Variants in CCDC92 observed in about 807,000 individuals in gnomAD.
CCDC92 encodes the protein coiled-coil domain-containing protein 92.
CCDC92 carries 12 observed loss-of-function variants against 24.9 expected under a neutral mutation model. That is an observed-to-expected ratio of 0.48 (90% CI 0.31 to 0.78). The LOEUF (loss-of-function observed/expected upper bound fraction) is 0.78. Ranked by LOEUF, CCDC92 falls within the 30% of genes least tolerant of loss-of-function variation. The pLI, the probability that CCDC92 is intolerant of heterozygous loss-of-function variation, is 0.05. For synonymous variants in CCDC92, 193 were observed against 196.3 expected, an observed-to-expected ratio of 0.98 and a Z score of 0.14; for missense variants, 399 against 439.4, an observed-to-expected ratio of 0.91 and a Z score of 0.82.
rs1472593797 is a variant in CCDC92, at chr12:123,949,094, C to T, written c.-59-4730G>A. Among the ~76,000 whole-genome samples, 3 of 152,146 alleles carry T rather than the reference C, an allele frequency of 2.0e-5. No individual in the cohort carries two copies. In the East Asian group the frequency reaches 5.8e-4, roughly 29 times the overall value. On this transcript the variant is annotated intron_variant, in intron 1 of 4. Transcript: ENST00000238156. ...ATGAAGGAGCATTCAAGACAGATCC[C>T]TAAAAGGGTCAGCGTGGCAGATGAA...
At chr12:123,958,973 C>T (rs1271307787) in intron 1 of CCDC92, among the ~76,000 whole-genome samples, 1 of 152,204 alleles carries the variant, frequency 6.6e-6, no homozygotes, top group Non-Finnish European at 1.5e-5. Context: ...CCCTCGGTTG[C>T]ACTCTGGTTG....
At chr12:123,963,874 C>T (rs2138165239) in intron 1 of CCDC92, among the ~76,000 whole-genome samples, 1 of 152,274 alleles carries the variant, frequency 6.6e-6, no homozygotes, top group South Asian at 2.1e-4. Flanking sequence ...ATGCAAAGAG[C>T]TTTGTTTTTA....
At chr12:123,958,596 T>C (rs1338826366) in intron 1 of CCDC92, among the ~76,000 whole-genome samples, 1 of 152,232 alleles carries the variant, frequency 6.6e-6, no homozygotes, top group Non-Finnish European at 1.5e-5. Flanking sequence ...TTCTGCTGTG[T>C]CCTGTGCATT....
At position 123,936,466 on chromosome 12, in the gene CCDC92, A is replaced by G. The variant is rs1249218590; in HGVS notation, c.*592T>C. 1.3e-5 allele frequency: 2 copies of G among 153,262 alleles called. No individual in the cohort carries two copies. Among genetic ancestry groups the G allele is most frequent in the African/African-American group, 4.8e-5 (2 of 41,484 alleles). 9.5% of individuals were successfully genotyped at this position (153,262 alleles called of 1,614,324 possible). On this transcript the variant is annotated 3_prime_UTR_variant, in exon 5 of 5. Coordinates refer to ENST00000238156, the MANE Select transcript of CCDC92 (RefSeq NM_025140.3). ...TAAACATTTTGGATAAAACTAACAA[A>G]AAAATATGAACACACATTCAGGTTG...
At chr12:123,969,108 C>T (rs1274750983) in intron 1 of CCDC92, among the ~76,000 whole-genome samples, 1 of 152,096 alleles carries the variant, frequency 6.6e-6, no homozygotes, top group Non-Finnish European at 1.5e-5. Flanking sequence ...ACTCAGTAGC[C>T]GAATCTTTAT....
At chr12:123,947,049 C>T (rs1394443374) in intron 1 of CCDC92, among the ~76,000 whole-genome samples, 3 of 152,172 alleles carry the variant, frequency 2.0e-5, no homozygotes, top group South Asian at 2.1e-4. Context: ...GAGCAGCCAG[C>T]GGGCCGGCCC....
In CCDC92 at chr12:123,936,976, G is replaced by A; in HGVS notation, c.*82C>T. 2 of 1,502,436 alleles carry A rather than the reference G, an allele frequency of 1.3e-6. No homozygotes were observed. Among genetic ancestry groups the A allele is most frequent in the Admixed American group, 1.7e-5 (1 of 57,404 alleles). The allele number at this position is 1,502,436 out of a possible 1,614,324, so 93.1% of individuals were successfully genotyped here. ...GTGTGAAAAGTGTTTGGCATGCATGGGATTAAACAGAAAAGGTGTGGCTGA... is the reference window on the plus strand; with the variant it reads ...GTGTGAAAAGTGTTTGGCATGCATGAGATTAAACAGAAAAGGTGTGGCTGA... On this transcript the variant is annotated 3_prime_UTR_variant, in exon 5 of 5. Coordinates refer to ENST00000238156, the MANE Select transcript of CCDC92 (RefSeq NM_025140.3).
intron 1 of CCDC92, among the ~76,000 whole-genome samples, chr12:123,952,704 A>G (rs1334073406): frequency 2.0e-5 from 3 of 152,264 alleles, no homozygotes; most frequent in African/African-American, 7.2e-5. Context: ...AAAACGGACA[A>G]CATTTCAAGG....
At chr12:123,942,851 A>C (rs1955729404) in intron 3 of CCDC92, 66 bp from the exon 4 acceptor site, 1 of 1,332,796 alleles carries the variant, frequency 7.5e-7, no homozygotes, top group African/African-American at 1.4e-5. Flanking sequence ...CAGCTTTGAA[A>C]ATGCAAAACC....
chr12:123,970,439 T>C (rs1272166985), intron 1 of CCDC92: 1 of 152,186 alleles, frequency 6.6e-6, no homozygotes, highest in Non-Finnish European at 1.5e-5. Context: ...TCAAAATAAA[T>C]GAAATCCCTT....
intron 1 of CCDC92, among the ~76,000 whole-genome samples, chr12:123,971,078 G>A (rs1376962521): frequency 6.6e-6 from 1 of 152,200 alleles, no homozygotes; most frequent in Non-Finnish European, 1.5e-5. Context: ...TTAGACCGAT[G>A]TATTTAAAAT....
At chr12:123,942,295 C>T (rs763505649) in intron 4 of CCDC92, among the ~76,000 whole-genome samples, 11 of 152,206 alleles carry the variant, frequency 7.2e-5, no homozygotes, top group Admixed American at 7.2e-4. Context: ...AGTAATGTGA[C>T]CACTCGCCCG....
chr12:123,967,521 G>A (rs1260637680), intron 1 of CCDC92, among the ~76,000 whole-genome samples: 2 of 152,206 alleles, frequency 1.3e-5, no homozygotes, highest in Non-Finnish European at 2.9e-5. Context: ...GACAGCCGAA[G>A]AGAAAGGAGT....
At position 123,942,882 on chromosome 12, in the gene CCDC92, G is replaced by A. The variant is rs775286985; in HGVS notation, c.182-97C>T. 558 of 961,370 alleles carry A rather than the reference G, an allele frequency of 5.8e-4. 9 individuals carry two copies. The highest frequency in any genetic ancestry group is 2.9e-3 in the Middle Eastern group (14 of 4,830). The allele number at this position is 961,370 out of a possible 1,614,324, so 59.6% of individuals were successfully genotyped here. A position where few individuals can be genotyped will look rare whatever the true frequency, so the allele number is the denominator to read the frequency against. ...AAACCGATTCCCACGATTAGCCAGCGAGTCCTACCCAGACAGAGCAGGGTT... is the reference window on the plus strand; with the variant it reads ...AAACCGATTCCCACGATTAGCCAGCAAGTCCTACCCAGACAGAGCAGGGTT... On this transcript the variant is annotated intron_variant, in intron 3 of 4. Coordinates refer to ENST00000238156, the MANE Select transcript of CCDC92 (RefSeq NM_025140.3).
intron 1 of CCDC92, chr12:123,972,013 A>G (rs924207372): frequency 4.6e-5 from 7 of 152,314 alleles, no homozygotes; most frequent in African/African-American, 1.7e-4. Context: ...TCCCCACAGC[A>G]TCCCAGACAA....
At chr12:123,962,771 G>A (rs1174988547) in intron 1 of CCDC92, 1 of 151,668 alleles carries the variant, frequency 6.6e-6, no homozygotes, top group African/African-American at 2.4e-5. Context: ...CTCACCTGCT[G>A]AGAACACCAT....
chr12:123,946,728 C>T (rs1354379627), intron 1 of CCDC92: 1 of 152,438 alleles, frequency 6.6e-6, no homozygotes, highest in African/African-American at 2.4e-5. Flanking sequence ...GGTTGAAAAG[C>T]TTTTGTTTCC....
intron 1 of CCDC92, among the ~76,000 whole-genome samples, chr12:123,951,472 TA>T (rs1446952601): frequency 1.3e-5 from 2 of 152,050 alleles, no homozygotes; most frequent in Non-Finnish European, 2.9e-5. Context: ...TTTTAGAATC[TA>T]AAAAAAATAG....
intron 1 of CCDC92, chr12:123,968,707 A>T (rs1200660532): frequency 1.3e-5 from 2 of 151,686 alleles, no homozygotes; most frequent in African/African-American, 4.9e-5. Flanking sequence ...AATGAGAGAG[A>T]GTAACTATTT....
Sources: gnomAD v4.1 joint callset for allele counts (sites outside exome capture counted in the v4.1 genomes callset) on GRCh38, gnomAD v4.1.1 for gene constraint, MANE v1.5 for transcripts, NCBI Gene and HGNC (gene_info 2026-07-23, HGNC 2026-07-21) for gene names.